Variants in DNAJC25 observed in about 807,000 individuals in gnomAD.
DNAJC25 encodes the protein DnaJ heat shock protein family (Hsp40) member C25, also known as dnaJ homolog subfamily C member 25.
In DNAJC25, 26 loss-of-function variants were observed where a neutral mutation model predicts 42.1. That is an observed-to-expected ratio of 0.62 (90% confidence interval 0.45 to 0.86). DNAJC25 has a LOEUF of 0.86. Among genes scored for constraint, DNAJC25 ranks in the 40% least tolerant of loss-of-function variants. The pLI is 0.00. For synonymous variants in DNAJC25, 189 were observed against 179.9 expected (o/e 1.05, Z -0.40); for missense variants, 404 against 459.4 (o/e 0.88, Z 1.10).
intron 3 of DNAJC25, among the ~76,000 whole-genome samples, chr9:111,650,704 T>G (rs1830645939): frequency 6.6e-6 from 1 of 152,168 alleles, no homozygotes; most frequent in African/African-American, 2.4e-5. Context: ...CCATGTTGTC[T>G]AGGATGGTCT....
intron 1 of DNAJC25, among the ~76,000 whole-genome samples, chr9:111,644,212 C>T (rs1048597480): frequency 2.0e-5 from 3 of 152,178 alleles, no homozygotes; most frequent in African/African-American, 7.2e-5. Context: ...TCAGACTTGA[C>T]CCTGAGATGT....
chr9:111,649,777 A>G lies in DNAJC25; in HGVS notation c.814A>G (p.Ile272Val). 1.2e-6 allele frequency: 2 copies of G among 1,614,106 alleles called. No homozygotes were observed. The highest frequency in any genetic ancestry group is 1.7e-6 in the Non-Finnish European group (2 of 1,180,008). The change falls in exon 3 of 4, where the codon ATC becomes GTC. Residue 272 changes from isoleucine to valine, a missense_variant. Ile to Val is a conservative substitution (Grantham distance 29, BLOSUM62 3). Coordinates refer to ENST00000313525, the MANE Select transcript of DNAJC25 (RefSeq NM_001015882.3). Reference sequence around the variant, plus strand: ...TTGTCGGTGGATCTATAATTTTAACATCAAAGGCAAAGAATATGGAGAGGA... The same window carrying G: ...TTGTCGGTGGATCTATAATTTTAACGTCAAAGGCAAAGAATATGGAGAGGA... ...WYCRWIYNFN[I>V]KGKEYGEEER... is the part of the protein sequence containing the mutation.
rs1255933225 is a variant in DNAJC25 at position 111,654,035 on chromosome 9, A to G, written c.*813A>G. 3.3e-5 allele frequency: 5 copies of G among 152,376 alleles called. No individual in the cohort carries two copies. In the East Asian group the frequency reaches 9.6e-4, roughly 29 times the overall value. The allele number at this position is 152,376 out of a possible 1,614,324, so 9.4% of individuals were successfully genotyped here. ...CCTCTCTCTTCACTTAAAAAAAAAA[A>G]TAGCAAGGCAGAAATAGTGTATTGA... is the stretch of plus-strand genomic sequence containing the variant. On this transcript the variant is annotated 3_prime_UTR_variant, in exon 4 of 4. Coordinates refer to ENST00000313525, the MANE Select transcript of DNAJC25 (RefSeq NM_001015882.3).
chr9:111,631,550 G>A lies in DNAJC25; in HGVS notation c.143G>A (p.Arg48Gln). 7.2e-7 allele frequency: 1 copy of A among 1,387,162 alleles called. No homozygotes were observed. The highest frequency in any genetic ancestry group is 9.3e-7 in the Non-Finnish European group (1 of 1,079,392). 85.9% of individuals were successfully genotyped at this position (1,387,162 alleles called of 1,614,324 possible). Residue 48 changes from arginine (R) to glutamine (Q), a missense_variant, in exon 1 of 4, where the codon CGG becomes CAG. Arg to Gln is a conservative substitution (Grantham distance 43). Coordinates refer to ENST00000313525, the MANE Select transcript of DNAJC25 (RefSeq NM_001015882.3). ...ALVEGLYCGT[R>Q]DCYEVLGVSR... ...GTGGAGGGGCTCTACTGCGGCACGC[G>A]GGACTGCTACGAGGTGCTGGGCGTG...
At chr9:111,651,636 C>T (rs1056607374) in intron 3 of DNAJC25, among the ~76,000 whole-genome samples, 4 of 152,076 alleles carry the variant, frequency 2.6e-5, no homozygotes, top group Admixed American at 1.3e-4. Flanking sequence ...CCTGTAATCC[C>T]AGCACTTTGG....
rs1023718695 is a variant in DNAJC25, at chr9:111,631,448, C to T, written c.41C>T (p.Ala14Val). ...CTCTCTCCCGGCTGGGGAGCCGGGG[C>T]TGCCGGCCGGCGCTGGTGGATGCTG... The part of the protein sequence containing the change: ...PLLSPGWGAG[A>V]AGRRWWMLLA... The change falls in exon 1 of 4, where the codon GCT becomes GTT. Residue 14 changes from alanine (A) to valine (V), a missense_variant. By Grantham distance (64) the Ala-to-Val change is moderately conservative. Coordinates refer to ENST00000313525, the MANE Select transcript of DNAJC25 (RefSeq NM_001015882.3). 2.3e-5 allele frequency: 30 copies of T among 1,301,110 alleles called. No homozygotes were observed. The highest frequency in any genetic ancestry group is 2.9e-5 in the Non-Finnish European group (30 of 1,030,218). The allele number at this position is 1,301,110 out of a possible 1,614,324, so 80.6% of individuals were successfully genotyped here. A position where few individuals can be genotyped will look rare whatever the true frequency, so the allele number is the denominator to read the frequency against.
chr9:111,641,631 G>A (rs1830468941), intron 1 of DNAJC25, among the ~76,000 whole-genome samples: 1 of 141,920 alleles, frequency 7.0e-6, no homozygotes. Flanking sequence ...GAGGTGGGGG[G>A]GTCAGCCCCC....
chr9:111,634,914 G>A (rs1034432597), intron 1 of DNAJC25, among the ~76,000 whole-genome samples: 22 of 152,194 alleles, frequency 1.4e-4, no homozygotes, highest in African/African-American at 5.1e-4. Context: ...AAAGGCACTG[G>A]CCTCATGCTT....
Position 111,631,584 on chromosome 9 carries a change from G to T in DNAJC25, c.177G>T (p.Ser59=), listed in dbSNP as rs1336595431. Residue 59 remains serine, a synonymous_variant, in exon 1 of 4, where the codon TCG becomes TCT. Coordinates refer to ENST00000313525, the MANE Select transcript of DNAJC25 (RefSeq NM_001015882.3). ...DCYEVLGVSR[S]AGKAEIARAY... is the part of the protein sequence containing the mutation. ...ACGAGGTGCTGGGCGTGAGCCGCTC[G>T]GCGGGCAAGGCGGAGATCGCGCGGG... 1.4e-6 allele frequency: 2 copies of T among 1,459,058 alleles called. No individual in the cohort carries two copies. The highest frequency in any genetic ancestry group is 1.8e-6 in the Non-Finnish European group (2 of 1,114,476). 90.4% of individuals were successfully genotyped at this position (1,459,058 alleles called of 1,614,324 possible).
rs879027762 is a variant in DNAJC25, at chr9:111,654,341, A to G, written c.*1119A>G. The stretch of plus-strand genomic sequence containing the variant: ...GCTTCATATTAATAAAATGGTTACA[A>G]TATATCACAAGTTTGTTGATATGAC... On this transcript the variant is annotated 3_prime_UTR_variant, in exon 4 of 4. Coordinates refer to ENST00000313525, the MANE Select transcript of DNAJC25 (RefSeq NM_001015882.3). The G allele has an allele frequency of 6.6e-6, 1 of 152,258 alleles. No homozygotes were observed. Among genetic ancestry groups the G allele is most frequent in the African/African-American group, 2.4e-5 (1 of 41,464 alleles). The allele number at this position is 152,258 out of a possible 1,614,324, so 9.4% of individuals were successfully genotyped here. A position where few individuals can be genotyped will look rare whatever the true frequency, so the allele number is the denominator to read the frequency against.
intron 1 of DNAJC25, among the ~76,000 whole-genome samples, chr9:111,632,350 T>G (rs1221086638): frequency 6.6e-6 from 1 of 152,220 alleles, no homozygotes; most frequent in Non-Finnish European, 1.5e-5. Flanking sequence ...TGATACCTCC[T>G]CTCAGAGTTA....
Position 111,649,829 on chromosome 9 carries a change from C to G in DNAJC25, c.866C>G (p.Ser289Cys). The change falls in exon 3 of 4, where the codon TCT (serine) becomes TGT (cysteine). Residue 289 changes from serine to cysteine, a missense_variant. By Grantham distance (112) the Ser-to-Cys change is moderately radical. Transcript: ENST00000313525. ...GAGAGATTATACATTATACGTAAAT[C>G]TATGAAGATGTCAAAGTCTCAATTT... is the stretch of plus-strand genomic sequence containing the variant. ...EEERLYIIRK[S>C]MKMSKSQFDS... is the part of the protein sequence containing the mutation. 3.1e-6 allele frequency: 5 copies of G among 1,612,848 alleles called. No individual in the cohort carries two copies. The South Asian group carries it at 5.5e-5, about 18-fold the overall frequency.
At chr9:111,652,392 C>G (rs571857215) in intron 3 of DNAJC25, among the ~76,000 whole-genome samples, 1 of 150,650 alleles carries the variant, frequency 6.6e-6, no homozygotes, top group Admixed American at 6.6e-5. Context: ...GTGGCATGCT[C>G]CTGTAGGCCC....
In DNAJC25 at chr9:111,649,856, A is replaced by G; in HGVS notation, c.893A>G (p.Asp298Gly). The change falls in exon 3 of 4, where the codon GAT becomes GGT. Residue 298 changes from aspartate (D) to glycine (G), a missense_variant. Asp to Gly is a moderately conservative substitution (Grantham distance 94). Coordinates refer to ENST00000313525, the MANE Select transcript of DNAJC25 (RefSeq NM_001015882.3). ...KSMKMSKSQF[D>G]SLEDHQKETF... Reference sequence around the variant, plus strand: ...ATGAAGATGTCAAAGTCTCAATTTGATAGTCTAGAAGATCATCAGAAAGAA... The same window carrying G: ...ATGAAGATGTCAAAGTCTCAATTTGGTAGTCTAGAAGATCATCAGAAAGAA... The G allele has an allele frequency of 6.2e-7, 1 of 1,611,916 alleles. No individual in the cohort carries two copies. Among genetic ancestry groups the G allele is most frequent in the Non-Finnish European group, 8.5e-7 (1 of 1,179,564 alleles).
chr9:111,642,642 T>TAAAA (rs762960781), intron 1 of DNAJC25, among the ~76,000 whole-genome samples: 65 of 108,662 alleles, frequency 6.0e-4, no homozygotes, highest in Non-Finnish European at 1.1e-3. Context: ...AATAAATAAA[T>TAAAA]AAAAAATAAA....
chr9:111,647,208 G>A lies in DNAJC25; in HGVS notation c.438G>A (p.Val146=), dbSNP rs745769489. Residue 146 remains valine, a synonymous_variant, in exon 2 of 4, where the codon GTG becomes GTA. Coordinates refer to ENST00000313525, the MANE Select transcript of DNAJC25 (RefSeq NM_001015882.3). ...ATAGCAGGCGCTTGGCCCCTAAGGT[G>A]GATGTTAGAGTAGTGATTTTGGTCA... ...HYYSRRLAPK[V]DVRVVILVSV... is the part of the protein sequence containing the mutation. 2.8e-5 allele frequency: 46 copies of A among 1,614,062 alleles called. No individual in the cohort carries two copies. The highest frequency in any genetic ancestry group is 3.7e-5 in the Non-Finnish European group (44 of 1,180,038).
At chr9:111,636,958 T>C (rs1341995986) in intron 1 of DNAJC25, among the ~76,000 whole-genome samples, 1 of 152,208 alleles carries the variant, frequency 6.6e-6, no homozygotes, top group African/African-American at 2.4e-5. Context: ...GGTGATTATA[T>C]ACTAGCTGTG....
intron 2 of DNAJC25, 101 bp from the exon 3 acceptor site, chr9:111,649,352 G>T: frequency 7.0e-7 from 1 of 1,420,892 alleles, no homozygotes; most frequent in Non-Finnish European, 9.2e-7. Context: ...TAATTGTAAT[G>T]GTTTCTTGGG....
At chr9:111,652,839 G>T (rs1830683898) in intron 3 of DNAJC25, among the ~76,000 whole-genome samples, 1 of 151,956 alleles carries the variant, frequency 6.6e-6, no homozygotes, top group South Asian at 2.1e-4. Flanking sequence ...GAGCCACCAC[G>T]CCCGGCCACA....
Sources: allele counts gnomAD v4.1 joint callset (sites outside exome capture counted in the v4.1 genomes callset), GRCh38; gene constraint gnomAD v4.1.1; transcripts MANE v1.5; gene names NCBI Gene and HGNC (gene_info 2026-07-23, HGNC 2026-07-21).